Variants in ARL14EPL observed in about 807,000 individuals in gnomAD.
The protein encoded by ARL14EPL is ARF like GTPase 14 effector protein like, also known as ARL14 effector protein-like.
A neutral mutation model predicts 15.9 loss-of-function variants in ARL14EPL; 17 were observed. That is an observed-to-expected ratio of 1.07 (90% CI 0.73 to 1.60). ARL14EPL has a LOEUF of 1.60. ARL14EPL is among the 40% of genes most tolerant of loss of function. The pLI, the probability that ARL14EPL is intolerant of heterozygous loss-of-function variation, is 0.00. For synonymous variants in ARL14EPL, 78 were observed against 63.8 expected (o/e 1.22, Z -1.06); for missense variants, 214 against 185.9 (o/e 1.15, Z -0.88).
At chr5:116,041,151 C>T (rs1749150141) in intron 1 of ARL14EPL, among the ~76,000 whole-genome samples, 2 of 151,866 alleles carry the variant, frequency 1.3e-5, no homozygotes, top group Admixed American at 1.3e-4. Context: ...TAGTATGGTA[C>T]TTTTGTTATA....
At chr5:116,035,687 C>T (rs1749037342) in intron 1 of ARL14EPL, among the ~76,000 whole-genome samples, 1 of 152,152 alleles carries the variant, frequency 6.6e-6, no homozygotes, top group Admixed American at 6.6e-5. Flanking sequence ...GGGCTCAGCC[C>T]AGCCAGGATC....
chr5:116,050,435 T>C (rs1297417095), intron 1 of ARL14EPL, among the ~76,000 whole-genome samples: 1 of 152,260 alleles, frequency 6.6e-6, no homozygotes, highest in Non-Finnish European at 1.5e-5. Context: ...TAGTTCTTTT[T>C]ATGGCTGCGT....
At chr5:116,042,786 A>T (rs1036403118) in intron 1 of ARL14EPL, among the ~76,000 whole-genome samples, 3 of 152,208 alleles carry the variant, frequency 2.0e-5, no homozygotes, top group African/African-American at 7.2e-5. Flanking sequence ...ACCCTATATC[A>T]TATAGAACTT....
Position 116,035,492 on chromosome 5 carries a change from T to G in ARL14EPL, c.-10+2987T>G, listed in dbSNP as rs146010111. 7.9e-4 allele frequency among the ~76,000 whole-genome samples: 120 copies of G among 152,356 alleles called. 1 individual carries two copies. The East Asian group carries it at 0.021, about 27-fold the overall frequency. ...AAATCAGAAACCAAATCGGCTTTTT[T>G]GACTGCGAACTGATTACAAGGAATG... On this transcript the variant is annotated intron_variant, in intron 1 of 3. Coordinates refer to ENST00000686077, the MANE Select transcript of ARL14EPL (RefSeq NM_001195581.2).
intron 3 of ARL14EPL, among the ~76,000 whole-genome samples, chr5:116,055,511 T>C (rs543957443): frequency 5.3e-5 from 8 of 152,246 alleles, no homozygotes; most frequent in Non-Finnish European, 8.8e-5. Flanking sequence ...TGTACCATCA[T>C]GGAAGAATCT....
rs574388321 is a variant in ARL14EPL at position 116,056,333 on chromosome 5, C to T, written c.236+2180C>T. On this transcript the variant is annotated intron_variant, in intron 3 of 3. Coordinates refer to ENST00000686077, the MANE Select transcript of ARL14EPL (RefSeq NM_001195581.2). The stretch of plus-strand genomic sequence containing the variant: ...TGTTGTTTCCTGACTTTTTAATGAT[C>T]GTCATTCTAACTGGTGTGAGATGGT... Among the ~76,000 whole-genome samples, 830 of 152,178 alleles carry T rather than the reference C, an allele frequency of 5.5e-3. 8 individuals carry two copies. Among genetic ancestry groups the T allele is most frequent in the South Asian group, 0.027 (128 of 4,826 alleles).
In ARL14EPL at chr5:116,054,031, G is replaced by C. The variant is rs1459224290; in HGVS notation, c.114G>C (p.Gln38His). 6.5e-7 allele frequency: 1 copy of C among 1,535,158 alleles called. No individual in the cohort carries two copies. Among genetic ancestry groups the C allele is most frequent in the East Asian group, 2.4e-5 (1 of 40,892 alleles). ...TTTAATAGCAACAAATAGAGCGGCAGTTAAAATGCTTGGCATTTCGAAACC... is the reference window on the plus strand; with the variant it reads ...TTTAATAGCAACAAATAGAGCGGCACTTAAAATGCTTGGCATTTCGAAACC... ...GQKQLQQIERQLKCLAFRNPG... is the reference protein window; with the variant it reads ...GQKQLQQIERHLKCLAFRNPG... Residue 38 changes from glutamine (Q) to histidine (H), a missense_variant, in exon 3 of 4, where the codon CAG becomes CAC. Physicochemically the swap from Gln to His is conservative, Grantham distance 24. Coordinates refer to ENST00000686077, the MANE Select transcript of ARL14EPL (RefSeq NM_001195581.2).
chr5:116,041,918 T>G (rs987277377), intron 1 of ARL14EPL, among the ~76,000 whole-genome samples: 1 of 152,066 alleles, frequency 6.6e-6, no homozygotes, highest in African/African-American at 2.4e-5. Context: ...AGCCTCAACT[T>G]CCCAGGCTCA....
chr5:116,051,543 A>T lies in ARL14EPL; in HGVS notation c.78A>T (p.Gln26His). ...ATAGTTTTCCTGAGAAGAACTGTCA[A>T]ATTGGACAGAAACAACTGGTATGGC... ...TDHSFPEKNC[Q>H]IGQKQLQQIE... Residue 26 changes from glutamine to histidine, a missense_variant, in exon 2 of 4, where the codon CAA (glutamine) becomes CAT (histidine). Transcript: ENST00000686077. The T allele has an allele frequency of 6.5e-7, 1 of 1,533,814 alleles. No individual in the cohort carries two copies. Among genetic ancestry groups the T allele is most frequent in the South Asian group, 1.2e-5 (1 of 83,980 alleles).
intron 1 of ARL14EPL, among the ~76,000 whole-genome samples, chr5:116,035,817 C>G (rs953684220): frequency 6.6e-6 from 1 of 152,200 alleles, no homozygotes; most frequent in African/African-American, 2.4e-5. Context: ...CCGCTGGTAT[C>G]TCTGTGGGGA....
intron 1 of ARL14EPL, among the ~76,000 whole-genome samples, chr5:116,040,234 A>G (rs1463441639): frequency 6.6e-6 from 1 of 152,118 alleles, no homozygotes; most frequent in East Asian, 1.9e-4. Context: ...ATGGCTATAT[A>G]TAATTTCTAT....
At chr5:116,034,290 TAGG>T (rs1453626735) in intron 1 of ARL14EPL, among the ~76,000 whole-genome samples, 3 of 152,216 alleles carry the variant, frequency 2.0e-5, no homozygotes, top group African/African-American at 4.8e-5. Flanking sequence ...AGGGTTCATT[TAGG>T]AGATTGTCCT....
At chr5:116,050,730 G>A (rs1471309018) in intron 1 of ARL14EPL, among the ~76,000 whole-genome samples, 1 of 149,872 alleles carries the variant, frequency 6.7e-6, no homozygotes, top group Non-Finnish European at 1.5e-5. Flanking sequence ...ATAGAACATT[G>A]CAGACCAGCC....
intron 1 of ARL14EPL, among the ~76,000 whole-genome samples, chr5:116,040,088 C>G (rs1423532124): frequency 1.3e-5 from 2 of 152,064 alleles, no homozygotes; most frequent in Non-Finnish European, 2.9e-5. Flanking sequence ...CAACTCGAAA[C>G]CTAGGAATTA....
chr5:116,034,623 G>A (rs866054561), intron 1 of ARL14EPL, among the ~76,000 whole-genome samples: 3 of 152,160 alleles, frequency 2.0e-5, no homozygotes, highest in African/African-American at 7.2e-5. Flanking sequence ...GTACAACGAA[G>A]TAGGGAAGAG....
intron 1 of ARL14EPL, among the ~76,000 whole-genome samples, chr5:116,040,458 T>G (rs1377735363): frequency 6.6e-6 from 1 of 151,560 alleles, no homozygotes; most frequent in Admixed American, 6.6e-5. Context: ...CGGGAAGGCA[T>G]TTCTGGAAAA....
chr5:116,035,691 C>T (rs1387746517), intron 1 of ARL14EPL, among the ~76,000 whole-genome samples: 16 of 152,276 alleles, frequency 1.1e-4, no homozygotes. Flanking sequence ...TCAGCCCAGC[C>T]AGGATCCAGA....
chr5:116,043,513 C>A (rs1749205595), intron 1 of ARL14EPL, among the ~76,000 whole-genome samples: 1 of 152,026 alleles, frequency 6.6e-6, no homozygotes, highest in African/African-American at 2.4e-5. Context: ...ACTCTTCAGT[C>A]TTTTAAAAGG....
At chr5:116,056,541 A>G in intron 3 of ARL14EPL, among the ~76,000 whole-genome samples, 1 of 151,868 alleles carries the variant, frequency 6.6e-6, no homozygotes, top group East Asian at 1.9e-4. Flanking sequence ...TAGATTCTGG[A>G]TATTAGCCCT....
Sources: allele counts gnomAD v4.1 joint callset (sites outside exome capture counted in the v4.1 genomes callset), GRCh38; gene constraint gnomAD v4.1.1; transcripts MANE v1.5; gene names NCBI Gene and HGNC (gene_info 2026-07-23, HGNC 2026-07-21).